The following HACD3 variants were observed in gnomAD, a reference collection of about 807,000 sequenced individuals.
The protein encoded by HACD3 is very-long-chain (3R)-3-hydroxyacyl-CoA dehydratase 3.
A neutral mutation model predicts 55.2 loss-of-function variants in HACD3; 30 were observed. That is an observed-to-expected ratio of 0.54 (90% CI 0.41 to 0.74). The LOEUF is 0.74. HACD3 is among the 30% of genes least tolerant of loss of function. The probability of loss-of-function intolerance (pLI) is 0.00; values close to 1 mark genes in which losing one functional copy is unlikely to be tolerated. For missense variants in HACD3, 363 were observed against 440.1 expected, an observed-to-expected ratio of 0.82 and a Z score of 1.57; for synonymous variants, 141 against 151.7, an observed-to-expected ratio of 0.93 and a Z score of 0.52.
intron 1 of HACD3, among the ~76,000 whole-genome samples, chr15:65,549,862 G>A (rs923799221): frequency 6.6e-6 from 1 of 152,122 alleles, no homozygotes; most frequent in African/African-American, 2.4e-5. Flanking sequence ...CAATTTAGGA[G>A]AACCAAAACT....
chr15:65,549,114 A>G (rs1359434470), intron 1 of HACD3, among the ~76,000 whole-genome samples: 1 of 147,132 alleles, frequency 6.8e-6, no homozygotes, highest in Non-Finnish European at 1.5e-5. Flanking sequence ...TCTAATAAAA[A>G]CAACTAAAAG....
chr15:65,554,782 A>G, intron 2 of HACD3, 105 bp from the exon 3 acceptor site: 1 of 777,056 alleles, frequency 1.3e-6, no homozygotes, highest in South Asian at 1.5e-5. Flanking sequence ...CTCAAAAAAA[A>G]AAAAGTGTAA....
intron 1 of HACD3, among the ~76,000 whole-genome samples, chr15:65,537,943 AAAAAAAAAAAAAAAAATATAT>A (rs1243252341): frequency 3.2e-4 from 4 of 12,500 alleles, no homozygotes; most frequent in African/African-American, 8.3e-4. Context: ...AGAAAAAAAA[AAAAAAAAAAAAAAAAATATAT>A]ATATATATAT....
rs1475066302 is a variant in HACD3, at chr15:65,571,642, T to C, written c.868T>C (p.Cys290Arg). The C allele has an allele frequency of 8.1e-6, 13 of 1,612,422 alleles. No homozygotes were observed. The highest frequency in any genetic ancestry group is 1.0e-5 in the Non-Finnish European group (12 of 1,178,678). ...GTGGATTCCCTTATATCCACTGGGATGTTTGGCGGAAGGTACTCTCAGGGA... is the reference window on the plus strand; with the variant it reads ...GTGGATTCCCTTATATCCACTGGGACGTTTGGCGGAAGGTACTCTCAGGGA... ...TLWIPLYPLG[C>R]LAEAVSVIQS... Residue 290 changes from cysteine to arginine, a missense_variant, in exon 9 of 11, where the codon TGT (cysteine) becomes CGT (arginine). Coordinates refer to ENST00000261875, the MANE Select transcript of HACD3 (RefSeq NM_016395.4).
chr15:65,572,845 G>A lies in HACD3; in HGVS notation c.1012+479G>A, dbSNP rs1219116682. Among the ~76,000 whole-genome samples, 12 of 150,582 alleles carry A rather than the reference G, an allele frequency of 8.0e-5. No homozygotes were observed. In the Admixed American group the frequency reaches 8.0e-4, roughly 10 times the overall value. ...CAGGAGAATCGCTTGAACCCGGGAG[G>A]CAGAGGTTGCAGTGACCTGAGATTG... On this transcript the variant is annotated intron_variant, in intron 10 of 10. Transcript: ENST00000261875.
intron 1 of HACD3, among the ~76,000 whole-genome samples, chr15:65,550,633 C>T (rs1020513045): frequency 6.6e-6 from 1 of 152,152 alleles, no homozygotes; most frequent in Non-Finnish European, 1.5e-5. Context: ...TAACAAATCA[C>T]CCAATATGTA....
intron 1 of HACD3, among the ~76,000 whole-genome samples, chr15:65,544,248 A>T (rs1271117165): frequency 6.6e-6 from 1 of 152,116 alleles, no homozygotes; most frequent in East Asian, 1.9e-4. Flanking sequence ...TAGACCAGAG[A>T]GGGTACAGGC....
rs372231534 is a variant in HACD3, at chr15:65,530,758, C to T, written c.87+40C>T. On this transcript the variant is annotated intron_variant, in intron 1 of 10. Coordinates refer to ENST00000261875, the MANE Select transcript of HACD3 (RefSeq NM_016395.4). Reference sequence around the variant, plus strand: ...GGGCGGCGGGAAGCGCGCGGGATCGCGGCTCCGGGTACCCGCCAGGACCCC... The same window carrying T: ...GGGCGGCGGGAAGCGCGCGGGATCGTGGCTCCGGGTACCCGCCAGGACCCC... The T allele has an allele frequency of 4.4e-5, 66 of 1,511,648 alleles. 1 individual carries two copies. In the African/African-American group the frequency reaches 8.2e-4, roughly 19 times the overall value. 93.6% of individuals were successfully genotyped at this position (1,511,648 alleles called of 1,614,324 possible). A position where few individuals can be genotyped will look rare whatever the true frequency, so the allele number is the denominator to read the frequency against.
At chr15:65,572,081 A>G (rs1184728777) in intron 9 of HACD3, among the ~76,000 whole-genome samples, 154 bp from the exon 10 acceptor site, 1 of 152,192 alleles carries the variant, frequency 6.6e-6, no homozygotes, top group Non-Finnish European at 1.5e-5. Flanking sequence ...AAGTAGGGGA[A>G]AAAAAGGAGA....
At chr15:65,543,580 A>T (rs750512536) in intron 1 of HACD3, among the ~76,000 whole-genome samples, 1 of 152,160 alleles carries the variant, frequency 6.6e-6, no homozygotes, top group Non-Finnish European at 1.5e-5. Context: ...CTTCACTATG[A>T]CATCGTTTTT....
chr15:65,538,383 T>C (rs1020447927), intron 1 of HACD3, among the ~76,000 whole-genome samples: 1 of 152,134 alleles, frequency 6.6e-6, no homozygotes, highest in African/African-American at 2.4e-5. Context: ...GTTCAAGACT[T>C]CAGTGGAGGT....
intron 10 of HACD3, 57 bp downstream of exon 10, chr15:65,572,423 TAAATC>T: frequency 1.4e-6 from 2 of 1,436,764 alleles, no homozygotes; most frequent in South Asian, 2.7e-5. Flanking sequence ...ACAGTAGAAT[TAAATC>T]ATTCAGAAAT....
chr15:65,537,071 C>G (rs1009005068), intron 1 of HACD3, among the ~76,000 whole-genome samples: 14 of 152,176 alleles, frequency 9.2e-5, no homozygotes, highest in Middle Eastern at 3.2e-3. Context: ...TCTCTTAAGC[C>G]AAAGCCTAAT....
At chr15:65,572,508 T>C (rs1438709904) in intron 10 of HACD3, 142 bp downstream of exon 10, 1 of 960,460 alleles carries the variant, frequency 1.0e-6, no homozygotes, top group Admixed American at 3.2e-5. Flanking sequence ...ACAGACCCAC[T>C]AGGGGAATAT....
At chr15:65,575,865 G>A (rs910905648) in intron 10 of HACD3, among the ~76,000 whole-genome samples, 1 of 152,196 alleles carries the variant, frequency 6.6e-6, no homozygotes, top group African/African-American at 2.4e-5. Context: ...GGCCAAGCTG[G>A]GCAGATCATT....
intron 7 of HACD3, among the ~76,000 whole-genome samples, chr15:65,567,586 CAG>C (rs2072304720): frequency 6.6e-6 from 1 of 152,052 alleles, no homozygotes; most frequent in Non-Finnish European, 1.5e-5. Flanking sequence ...TTTGAAAAAA[CAG>C]AGGGCCATCC....
intron 3 of HACD3, among the ~76,000 whole-genome samples, chr15:65,556,465 G>GAGCGAGTCTGGAC (rs2072190825): frequency 6.6e-6 from 1 of 152,088 alleles, no homozygotes; most frequent in Non-Finnish European, 1.5e-5. Context: ...AAGTGATGGA[G>GAGCGAGTCTGGAC]AGCGAGTCTA....
At chr15:65,562,568 A>G (rs532453501) in intron 5 of HACD3, among the ~76,000 whole-genome samples, 2 of 152,238 alleles carry the variant, frequency 1.3e-5, no homozygotes, top group South Asian at 4.2e-4. Context: ...CCTGCTGAAA[A>G]TACATGCTGG....
At chr15:65,561,595 A>G (rs965345629) in intron 5 of HACD3, among the ~76,000 whole-genome samples, 5 of 152,110 alleles carry the variant, frequency 3.3e-5, no homozygotes, top group Admixed American at 1.3e-4. Flanking sequence ...ACAACACTCA[A>G]CTGCTTTTTC....
Sources: gnomAD v4.1 joint callset for allele counts (sites outside exome capture counted in the v4.1 genomes callset) on GRCh38, gnomAD v4.1.1 for gene constraint, MANE v1.5 for transcripts, NCBI Gene and HGNC (gene_info 2026-07-23, HGNC 2026-07-21) for gene names.